The following AKAP13 variants were observed in gnomAD, a reference collection of about 807,000 sequenced individuals.
AKAP13 encodes A-kinase anchor protein 13.
AKAP13 carries 80 observed loss-of-function variants against 264.5 expected under a neutral mutation model. The observed-to-expected ratio is 0.30, with a 90% CI of 0.25 to 0.36. The LOEUF (loss-of-function observed/expected upper bound fraction) is 0.36, where lower values mean the gene tolerates loss of function less well. AKAP13 is among the 10% of genes least tolerant of loss of function. AKAP13 has a pLI of 1.00. For synonymous variants in AKAP13, 1,380 were observed against 1,250.2 expected, an observed-to-expected ratio of 1.10 and a Z score of -2.19; for missense variants, 3,712 against 3,435.2, an observed-to-expected ratio of 1.08 and a Z score of -2.01.
chr15:85,415,514 A>G, intron 1 of AKAP13: 3 of 1,521,036 alleles, frequency 2.0e-6, no homozygotes, highest in South Asian at 2.2e-5. Context: ...CATTGGTTCA[A>G]CATCAGGAGT....
At chr15:85,574,988 T>A (rs2078958383) in intron 5 of AKAP13, 143 bp from the exon 6 acceptor site, 1 of 672,762 alleles carries the variant, frequency 1.5e-6, no homozygotes, top group Admixed American at 2.7e-5. Context: ...TATGCCTGAA[T>A]CATTTGGGAG....
At chr15:85,543,512 C>T (rs1567115726) in intron 4 of AKAP13, among the ~76,000 whole-genome samples, 1 of 152,128 alleles carries the variant, frequency 6.6e-6, no homozygotes, top group Non-Finnish European at 1.5e-5. Flanking sequence ...ATAGAAATGT[C>T]CTGATTCTCT....
At chr15:85,402,203 G>A (rs2071456332) in intron 1 of AKAP13, among the ~76,000 whole-genome samples, 1 of 152,188 alleles carries the variant, frequency 6.6e-6, no homozygotes, top group Non-Finnish European at 1.5e-5. Context: ...TGAGATTGGG[G>A]AGGGCATGAA....
intron 3 of AKAP13, among the ~76,000 whole-genome samples, chr15:85,527,610 T>A (rs2077114650): frequency 6.6e-6 from 1 of 152,250 alleles, no homozygotes; most frequent in African/African-American, 2.4e-5. Flanking sequence ...TCCTTCCTCC[T>A]CTAAAATGCT....
rs913846076 is a variant in AKAP13 at position 85,746,937 on chromosome 15, GAA to G, written c.*2261_*2262del. The G allele has an allele frequency of 4.6e-5, 7 of 152,218 alleles. No homozygotes were observed. Among genetic ancestry groups the G allele is most frequent in the Non-Finnish European group, 4.4e-5 (3 of 68,040 alleles). The allele number at this position is 152,218 out of a possible 1,614,324, so 9.4% of individuals were successfully genotyped here. A position where few individuals can be genotyped will look rare whatever the true frequency, so the allele number is the denominator to read the frequency against. On this transcript the variant is annotated 3_prime_UTR_variant, in exon 37 of 37. Coordinates refer to ENST00000394518, the MANE Select transcript of AKAP13 (RefSeq NM_007200.5). Reference sequence around the variant, plus strand: ...TCTTCACAAAAACACCGTGGATGCTGAAGTTAGAGCACGTCGCCACAGAGCTT... The same window carrying G: ...TCTTCACAAAAACACCGTGGATGCTGGTTAGAGCACGTCGCCACAGAGCTT...
At chr15:85,500,576 G>A (rs994916410) in intron 2 of AKAP13, among the ~76,000 whole-genome samples, 3 of 152,088 alleles carry the variant, frequency 2.0e-5, no homozygotes, top group Non-Finnish European at 2.9e-5. Flanking sequence ...TCAGCACGGA[G>A]GTAGAAATTA....
At chr15:85,699,737 A>G (rs1015995343) in intron 17 of AKAP13, among the ~76,000 whole-genome samples, 2 of 152,258 alleles carry the variant, frequency 1.3e-5, no homozygotes, top group Non-Finnish European at 2.9e-5. Flanking sequence ...TAATGGACAA[A>G]GCAGAATTAC....
chr15:85,560,753 T>G (rs999487078), intron 5 of AKAP13, among the ~76,000 whole-genome samples: 2 of 152,206 alleles, frequency 1.3e-5, no homozygotes, highest in Admixed American at 6.5e-5. Context: ...GAGCCTTATC[T>G]TTTACCTACT....
chr15:85,663,020 G>A (rs2083430676), intron 12 of AKAP13, among the ~76,000 whole-genome samples: 1 of 152,094 alleles, frequency 6.6e-6, no homozygotes, highest in Admixed American at 6.6e-5. Flanking sequence ...TTGAAAGTGA[G>A]TTTTACAGGC....
intron 9 of AKAP13, among the ~76,000 whole-genome samples, chr15:85,644,582 G>A (rs2082462208): frequency 1.3e-5 from 2 of 148,788 alleles, no homozygotes; most frequent in African/African-American, 4.9e-5. Context: ...AGGCCCAGTG[G>A]CTCACACCTG....
At chr15:85,482,161 CAA>C (rs929743157) in intron 1 of AKAP13, among the ~76,000 whole-genome samples, 1 of 152,148 alleles carries the variant, frequency 6.6e-6, no homozygotes, top group Non-Finnish European at 1.5e-5. Flanking sequence ...CCTGAGTTCT[CAA>C]TGTTGTGGCA....
intron 1 of AKAP13, among the ~76,000 whole-genome samples, chr15:85,445,802 A>G (rs756468056): frequency 6.6e-6 from 1 of 152,170 alleles, no homozygotes; most frequent in African/African-American, 2.4e-5. Context: ...TGATGCTTCT[A>G]TTTATTTTTA....
At chr15:85,574,679 T>A (rs1201346125) in intron 5 of AKAP13, among the ~76,000 whole-genome samples, 1 of 152,172 alleles carries the variant, frequency 6.6e-6, no homozygotes, top group Non-Finnish European at 1.5e-5. Flanking sequence ...AAAGTTGGAG[T>A]GCCCTTGTAA....
In AKAP13 at chr15:85,655,552, G is replaced by A. The variant is rs750645948; in HGVS notation, c.4510G>A (p.Asp1504Asn). 1.1e-5 allele frequency: 18 copies of A among 1,614,228 alleles called. No individual in the cohort carries two copies. The change falls in exon 11 of 37, where the codon GAT becomes AAT. Residue 1504 changes from aspartate (D) to asparagine (N), a missense_variant. Physicochemically the swap from Asp to Asn is conservative, Grantham distance 23 (BLOSUM62 1). Coordinates refer to ENST00000394518, the MANE Select transcript of AKAP13 (RefSeq NM_007200.5). ...SQILKPNRSR[D>N]RQSLDGFYSH... Reference sequence around the variant, plus strand: ...GATTTTAAAGCCAAACAGGTCAAGAGATCGGCAAAGCCTTGATGGATTCTA... The same window carrying A: ...GATTTTAAAGCCAAACAGGTCAAGAAATCGGCAAAGCCTTGATGGATTCTA...
intron 1 of AKAP13, among the ~76,000 whole-genome samples, chr15:85,440,312 G>A (rs1386524472): frequency 2.0e-5 from 3 of 151,988 alleles, no homozygotes; most frequent in Admixed American, 6.6e-5. Flanking sequence ...TTTCTGTCAG[G>A]CATATTTCTG....
intron 8 of AKAP13, among the ~76,000 whole-genome samples, chr15:85,588,455 AT>A (rs2079449790): frequency 6.6e-6 from 1 of 152,204 alleles, no homozygotes; most frequent in Non-Finnish European, 1.5e-5. Context: ...ACATCCTTGA[AT>A]TCAAATACCT....
At chr15:85,419,124 A>G (rs1173629043) in intron 1 of AKAP13, among the ~76,000 whole-genome samples, 1 of 152,242 alleles carries the variant, frequency 6.6e-6, no homozygotes, top group Non-Finnish European at 1.5e-5. Flanking sequence ...ATTTTTGAAC[A>G]TTCCACAGTG....
chr15:85,537,491 C>T (rs1216960955), intron 4 of AKAP13, among the ~76,000 whole-genome samples: 1 of 152,186 alleles, frequency 6.6e-6, no homozygotes, highest in East Asian at 1.9e-4. Context: ...TTTTAGCTTT[C>T]TTCAGGTCAG....
At chr15:85,652,049 T>C (rs2082881191) in intron 10 of AKAP13, among the ~76,000 whole-genome samples, 1 of 152,252 alleles carries the variant, frequency 6.6e-6, no homozygotes, top group South Asian at 2.1e-4. Flanking sequence ...AAGAATATTA[T>C]TCTGTGTGAA....
Sources: allele counts gnomAD v4.1 joint callset (sites outside exome capture counted in the v4.1 genomes callset), GRCh38; gene constraint gnomAD v4.1.1; transcripts MANE v1.5; gene names NCBI Gene and HGNC (gene_info 2026-07-23, HGNC 2026-07-21).